KLHL1: variants seen among roughly 807,000 people sequenced by gnomAD.
The protein encoded by KLHL1 is kelch like family member 1, also known as kelch-like protein 1.
In KLHL1, 47 loss-of-function variants were observed where a neutral mutation model predicts 77.7. That is an observed-to-expected ratio of 0.60 (90% confidence interval 0.48 to 0.77). KLHL1 has a LOEUF of 0.77. Ranked by LOEUF, KLHL1 falls within the 30% of genes least tolerant of loss-of-function variation. The pLI, the probability that KLHL1 is intolerant of heterozygous loss-of-function variation, is 0.00. For missense variants in KLHL1, 925 were observed against 910.8 expected (o/e 1.02, Z -0.20); for synonymous variants, 360 against 325.2 (o/e 1.11, Z -1.15).
intron 1 of KLHL1, among the ~76,000 whole-genome samples, chr13:70,011,143 C>T (rs995455594): frequency 2.6e-5 from 4 of 151,908 alleles, no homozygotes; most frequent in East Asian, 1.9e-4. Context: ...GAACAAAGTC[C>T]AGAGAAAATT....
intron 6 of KLHL1, among the ~76,000 whole-genome samples, chr13:69,809,500 G>A (rs1877769462): frequency 6.6e-6 from 1 of 152,004 alleles, no homozygotes; most frequent in African/African-American, 2.4e-5. Context: ...CCCCAGTCAA[G>A]CAATCAATAA....
At chr13:69,881,687 A>T (rs138530191) in intron 5 of KLHL1, among the ~76,000 whole-genome samples, 1 of 152,146 alleles carries the variant, frequency 6.6e-6, no homozygotes, top group Non-Finnish European at 1.5e-5. Flanking sequence ...TCTGTACCCT[A>T]CTTAACTCAT....
chr13:69,712,780 GGGT>G (rs1875940301), intron 9 of KLHL1, among the ~76,000 whole-genome samples: 8 of 145,040 alleles, frequency 5.5e-5, no homozygotes, highest in Middle Eastern at 3.6e-3. Flanking sequence ...TTTGGGGGGG[GGGT>G]TTTGTTTGTT....
chr13:70,001,135 G>A (rs1040232504), intron 1 of KLHL1, among the ~76,000 whole-genome samples: 1 of 150,890 alleles, frequency 6.6e-6, no homozygotes, highest in African/African-American at 2.4e-5. Context: ...TTATTTTAGA[G>A]ATATTGTTAT....
At chr13:69,958,786 T>A (rs555428730) in intron 3 of KLHL1, among the ~76,000 whole-genome samples, 1 of 152,034 alleles carries the variant, frequency 6.6e-6, no homozygotes, top group African/African-American at 2.4e-5. Context: ...TTACATCTAT[T>A]CCCACTCATT....
chr13:70,045,127 G>A (rs1160136758), intron 1 of KLHL1, among the ~76,000 whole-genome samples: 1 of 152,060 alleles, frequency 6.6e-6, no homozygotes, highest in African/African-American at 2.4e-5. Context: ...ACAACTCAAG[G>A]AATGTCGCCT....
intron 4 of KLHL1, among the ~76,000 whole-genome samples, chr13:69,896,805 A>G (rs1881660800): frequency 2.0e-5 from 3 of 151,578 alleles, no homozygotes; most frequent in Non-Finnish European, 4.4e-5. Flanking sequence ...AGTAGCTGGG[A>G]CTACAGGCGC....
intron 4 of KLHL1, among the ~76,000 whole-genome samples, chr13:69,926,234 A>G (rs1350366718): frequency 6.6e-6 from 1 of 152,198 alleles, no homozygotes; most frequent in African/African-American, 2.4e-5. Context: ...AGGGTGGCAT[A>G]TTGCCCACAC....
chr13:69,844,863 T>C (rs981248884), intron 5 of KLHL1, among the ~76,000 whole-genome samples: 2 of 151,558 alleles, frequency 1.3e-5, no homozygotes, highest in African/African-American at 4.8e-5. Context: ...GAAATTTCTG[T>C]TTTCTTAGCA....
chr13:69,933,209 A>C lies in KLHL1; in HGVS notation c.1014+6831T>G, dbSNP rs542153968. Among the ~76,000 whole-genome samples the C allele has an allele frequency of 3.3e-5, 5 of 152,236 alleles. No individual in the cohort carries two copies. The South Asian group carries it at 1.0e-3, about 32-fold the overall frequency. On this transcript the variant is annotated intron_variant, in intron 4 of 10. Transcript: ENST00000377844. ...TTATATATAACTAGTTACTAAGACC[A>C]CGAAGGCATGTGAGACACTGAAAAG...
At chr13:69,914,414 G>A (rs1214695458) in intron 4 of KLHL1, among the ~76,000 whole-genome samples, 1 of 152,082 alleles carries the variant, frequency 6.6e-6, no homozygotes, top group Non-Finnish European at 1.5e-5. Context: ...CGCAAAAACT[G>A]TTCTCATTTT....
intron 1 of KLHL1, among the ~76,000 whole-genome samples, chr13:70,022,218 T>C (rs935834299): frequency 2.6e-5 from 4 of 151,964 alleles, no homozygotes; most frequent in Admixed American, 1.3e-4. Flanking sequence ...TCTAGCACTG[T>C]TTGTTGAAAA....
At chr13:69,721,062 G>GATAT (rs753780468) in intron 8 of KLHL1, among the ~76,000 whole-genome samples, 1 of 20,630 alleles carries the variant, frequency 4.8e-5, no homozygotes. Context: ...TAGCTACTAA[G>GATAT]ATATATATAT....
chr13:69,961,148 T>C (rs1884051228), intron 3 of KLHL1, among the ~76,000 whole-genome samples, 160 bp downstream of exon 3: 1 of 151,994 alleles, frequency 6.6e-6, no homozygotes, highest in Non-Finnish European at 1.5e-5. Context: ...CATTTGTAAT[T>C]TCAGTGACAA....
rs547898615 is a variant in KLHL1 at position 69,750,374 on chromosome 13, C to A, written c.1640-9818G>T. ...TTAAGTAATAGTTCATAGAATTGAA[C>A]ACTTCAGTGTTTTTCTGTGCAATGA... is the stretch of plus-strand genomic sequence containing the variant. On this transcript the variant is annotated intron_variant, in intron 7 of 10. Transcript: ENST00000377844. 7.9e-5 allele frequency among the ~76,000 whole-genome samples: 12 copies of A among 151,770 alleles called. 1 individual carries two copies. Among genetic ancestry groups the A allele is most frequent in the Non-Finnish European group, 1.6e-4 (11 of 67,792 alleles).
At chr13:69,927,340 A>G (rs1318899525) in intron 4 of KLHL1, among the ~76,000 whole-genome samples, 1 of 152,190 alleles carries the variant, frequency 6.6e-6, no homozygotes, top group Non-Finnish European at 1.5e-5. Context: ...GTGACCTTGG[A>G]TTGGTTAAAC....
At chr13:69,757,560 G>C (rs917433851) in intron 7 of KLHL1, among the ~76,000 whole-genome samples, 17 of 152,188 alleles carry the variant, frequency 1.1e-4, no homozygotes, top group African/African-American at 4.1e-4. Flanking sequence ...CAACCCAAAT[G>C]AAGTTAGTTT....
chr13:69,726,981 T>C (rs1170564157), intron 8 of KLHL1, among the ~76,000 whole-genome samples: 1 of 152,148 alleles, frequency 6.6e-6, no homozygotes, highest in Non-Finnish European at 1.5e-5. Context: ...TGGAAACTTA[T>C]CAATGAAAAA....
At chr13:69,801,220 A>C (rs1330291353) in intron 6 of KLHL1, among the ~76,000 whole-genome samples, 1 of 152,212 alleles carries the variant, frequency 6.6e-6, no homozygotes, top group East Asian at 1.9e-4. Flanking sequence ...CTCTACTGAA[A>C]AATAACAATC....
Sources: gnomAD v4.1 joint callset for allele counts (sites outside exome capture counted in the v4.1 genomes callset) on GRCh38, gnomAD v4.1.1 for gene constraint, MANE v1.5 for transcripts, NCBI Gene and HGNC (gene_info 2026-07-23, HGNC 2026-07-21) for gene names.